The following CCDC170 variants were observed in gnomAD, a reference collection of about 807,000 sequenced individuals.
CCDC170 encodes the protein coiled-coil domain containing 170.
CCDC170 carries 69 observed loss-of-function variants against 72.6 expected under a neutral mutation model. The observed-to-expected ratio is 0.95, with a 90% CI of 0.78 to 1.16. CCDC170 has a LOEUF of 1.16. CCDC170 is among the 50% of genes most tolerant of loss of function. The pLI is 0.00. For synonymous variants in CCDC170, 300 were observed against 303.9 expected (o/e 0.99, Z 0.13); for missense variants, 852 against 832.5 (o/e 1.02, Z -0.29).
At chr6:151,607,815 G>A (rs1315435525) in intron 9 of CCDC170, among the ~76,000 whole-genome samples, 1 of 152,128 alleles carries the variant, frequency 6.6e-6, no homozygotes, top group African/African-American at 2.4e-5. Flanking sequence ...GTGCCTGAGA[G>A]AGGTTTTTTG....
chr6:151,609,689 C>T (rs1377283985), intron 9 of CCDC170, among the ~76,000 whole-genome samples: 1 of 152,070 alleles, frequency 6.6e-6, no homozygotes, highest in Non-Finnish European at 1.5e-5. Flanking sequence ...TGAGGAGTTC[C>T]CTTAGGAAGA....
At chr6:151,500,339 C>T (rs1484765596) in intron 1 of CCDC170, among the ~76,000 whole-genome samples, 1 of 150,380 alleles carries the variant, frequency 6.6e-6, no homozygotes, top group African/African-American at 2.4e-5. Flanking sequence ...GAAAACCAAT[C>T]TCCACCCCAC....
At chr6:151,510,950 G>A (rs1782139461) in intron 1 of CCDC170, among the ~76,000 whole-genome samples, 1 of 152,102 alleles carries the variant, frequency 6.6e-6, no homozygotes, top group Admixed American at 6.6e-5. Context: ...TGGCCAGGCT[G>A]GTCTCGAACT....
chr6:151,610,795 T>C (rs1776858106), intron 9 of CCDC170, among the ~76,000 whole-genome samples: 1 of 152,268 alleles, frequency 6.6e-6, no homozygotes, highest in African/African-American at 2.4e-5. Flanking sequence ...TATTTTTCAC[T>C]GGCTCTGTTG....
chr6:151,600,820 C>G (rs745878623), intron 9 of CCDC170, among the ~76,000 whole-genome samples: 1 of 152,078 alleles, frequency 6.6e-6, no homozygotes, highest in African/African-American at 2.4e-5. Flanking sequence ...CAAACATCAC[C>G]GCTATCTAAT....
chr6:151,568,025 G>A (rs1776163387), intron 5 of CCDC170, among the ~76,000 whole-genome samples: 1 of 140,754 alleles, frequency 7.1e-6, no homozygotes, highest in Non-Finnish European at 1.5e-5. Flanking sequence ...CAGGAGAATC[G>A]CTTGAACCCG....
chr6:151,581,454 C>T (rs1425100208), intron 6 of CCDC170, among the ~76,000 whole-genome samples: 4 of 152,194 alleles, frequency 2.6e-5, no homozygotes, highest in East Asian at 1.9e-4. Flanking sequence ...AATTCAGTCA[C>T]ATCTTTAGGC....
In CCDC170 at chr6:151,615,511, G is replaced by T. The variant is rs772198949; in HGVS notation, c.1779G>T (p.Met593Ile). 4 of 1,613,998 alleles carry T rather than the reference G, an allele frequency of 2.5e-6. No individual in the cohort carries two copies. Among genetic ancestry groups the T allele is most frequent in the African/African-American group, 1.3e-5 (1 of 74,932 alleles). ...AATCCAGAGACCAACTGGAGAAGATGAAGGAGAAAGCTGAGAAAAAGCTCA... is the reference window on the plus strand; with the variant it reads ...AATCCAGAGACCAACTGGAGAAGATTAAGGAGAAAGCTGAGAAAAAGCTCA... ...LNKSRDQLEKMKEKAEKKLMS... is the reference protein window; with the variant it reads ...LNKSRDQLEKIKEKAEKKLMS... The change falls in exon 10 of 11, where the codon ATG becomes ATT. Residue 593 changes from methionine (M) to isoleucine (I), a missense_variant. Transcript: ENST00000239374.
chr6:151,582,519 C>G (rs1776392983), intron 6 of CCDC170, among the ~76,000 whole-genome samples: 1 of 152,134 alleles, frequency 6.6e-6, no homozygotes, highest in South Asian at 2.1e-4. Flanking sequence ...TCCATATCAG[C>G]AATAAGGCTG....
intron 1 of CCDC170, among the ~76,000 whole-genome samples, chr6:151,514,635 G>C (rs57605348): frequency 0.038 from 5,754 of 152,222 alleles, 410 homozygotes; most frequent in East Asian, 0.33. Context: ...CTGGGAATGT[G>C]GGTTTTGGCT....
Position 151,593,142 on chromosome 6 carries a change from G to C in CCDC170, c.1329G>C (p.Met443Ile), listed in dbSNP as rs1433177102. The C allele has an allele frequency of 1.9e-6, 3 of 1,614,110 alleles. No individual in the cohort carries two copies. The highest frequency in any genetic ancestry group is 2.5e-6 in the Non-Finnish European group (3 of 1,180,052). ...LKFLDQLSQK[M>I]KLDQMAAELG... The stretch of plus-strand genomic sequence containing the variant: ...TTCTGGATCAGCTTTCTCAGAAAAT[G>C]AAGTTGGACCAGATGGCTGCCGAAC... The change falls in exon 8 of 11, where the codon ATG becomes ATC. Residue 443 changes from methionine to isoleucine, a missense_variant. Met to Ile is a conservative substitution (Grantham distance 10, BLOSUM62 1). Transcript: ENST00000239374.
intron 1 of CCDC170, among the ~76,000 whole-genome samples, chr6:151,531,871 C>T (rs558472414): frequency 5.3e-4 from 80 of 152,248 alleles, no homozygotes; most frequent in Non-Finnish European, 9.1e-4. Flanking sequence ...CATGGGAACT[C>T]ACTACTATGA....
intron 10 of CCDC170, among the ~76,000 whole-genome samples, chr6:151,616,197 T>C (rs1688415378): frequency 6.6e-6 from 1 of 152,136 alleles, no homozygotes; most frequent in Non-Finnish European, 1.5e-5. Context: ...GGAAGCCTTA[T>C]CTGTAGCAGA....
chr6:151,591,940 C>G (rs1481563393), intron 7 of CCDC170, among the ~76,000 whole-genome samples: 1 of 143,982 alleles, frequency 6.9e-6, no homozygotes, highest in Admixed American at 6.7e-5. Flanking sequence ...TGGCAACTGG[C>G]TAAGTTGCCA....
intron 9 of CCDC170, among the ~76,000 whole-genome samples, chr6:151,610,462 C>G (rs1282978972): frequency 6.6e-6 from 1 of 152,056 alleles, no homozygotes; most frequent in African/African-American, 2.4e-5. Flanking sequence ...CTATATTTTG[C>G]CTGGAGAGAG....
intron 1 of CCDC170, among the ~76,000 whole-genome samples, chr6:151,496,887 G>A (rs1781919426): frequency 6.6e-6 from 1 of 152,188 alleles, no homozygotes. Context: ...GTTAATAAAT[G>A]TAAGGCACTC....
rs772088774 is a variant in CCDC170 at position 151,548,369 on chromosome 6, A to G, written c.654A>G (p.Ile218Met). The G allele has an allele frequency of 2.5e-6, 4 of 1,612,974 alleles. No individual in the cohort carries two copies. The highest frequency in any genetic ancestry group is 3.4e-6 in the Non-Finnish European group (4 of 1,179,316). The change falls in exon 5 of 11, where the codon ATA (isoleucine) becomes ATG (methionine). Residue 218 changes from isoleucine (I) to methionine (M), a missense_variant. Ile to Met is a conservative substitution (Grantham distance 10, BLOSUM62 1). Coordinates refer to ENST00000239374, the MANE Select transcript of CCDC170 (RefSeq NM_025059.4). Reference protein sequence around the residue: ...KGQIVILEETINVHEMEAKAS... With the variant: ...KGQIVILEETMNVHEMEAKAS... ...AAATTGTTATTCTTGAAGAGACTAT[A>G]AATGTCCATGAGATGGAAGCAAAAG... is the stretch of plus-strand genomic sequence containing the variant.
chr6:151,497,911 G>A (rs1230164884), intron 1 of CCDC170, among the ~76,000 whole-genome samples: 1 of 143,168 alleles, frequency 7.0e-6, no homozygotes, highest in African/African-American at 2.7e-5. Context: ...GGGAGGCAGA[G>A]GTTGCAGTGA....
At chr6:151,514,717 G>A (rs1431051370) in intron 1 of CCDC170, among the ~76,000 whole-genome samples, 3 of 152,154 alleles carry the variant, frequency 2.0e-5, no homozygotes, top group African/African-American at 4.8e-5. Context: ...CTTTGTAGGT[G>A]GGGAAAGATG....
Sources: allele counts gnomAD v4.1 joint callset (sites outside exome capture counted in the v4.1 genomes callset), GRCh38; gene constraint gnomAD v4.1.1; transcripts MANE v1.5; gene names NCBI Gene and HGNC (gene_info 2026-07-23, HGNC 2026-07-21).